The following ZNF235 variants were observed in gnomAD, a reference collection of about 807,000 sequenced individuals.
ZNF235 encodes the protein zinc finger protein 235, also known as zfp-93.
In ZNF235, 25 loss-of-function variants were observed where a neutral mutation model predicts 29.4. The observed-to-expected ratio is 0.85, with a 90% CI of 0.62 to 1.19. ZNF235 has a LOEUF of 1.19. ZNF235 is among the 50% of genes most tolerant of loss of function. The probability of loss-of-function intolerance (pLI) is 0.00; values close to 1 mark genes in which losing one functional copy is unlikely to be tolerated. For missense variants in ZNF235, 788 were observed against 885.0 expected (o/e 0.89, Z 1.39); for synonymous variants, 300 against 295.3 (o/e 1.02, Z -0.16).
At chr19:44,289,537 T>A (rs754718223) in intron 4 of ZNF235, 1 of 178,974 alleles carries the variant, frequency 5.6e-6, no homozygotes, top group Non-Finnish European at 1.2e-5. Context: ...ATTTTACACA[T>A]AGTTCCTTCG....
At chr19:44,296,936 T>C (rs1975662046) in intron 4 of ZNF235, among the ~76,000 whole-genome samples, 1 of 151,836 alleles carries the variant, frequency 6.6e-6, no homozygotes, top group Non-Finnish European at 1.5e-5. Flanking sequence ...AACTAGAAAA[T>C]ATCTTGGGAT....
chr19:44,299,040 A>G (rs973700533), intron 3 of ZNF235, 137 bp from the exon 4 acceptor site: 1 of 594,694 alleles, frequency 1.7e-6, no homozygotes, highest in Non-Finnish European at 3.0e-6. Context: ...GTCATGACAC[A>G]TTATAAGAAA....
At position 44,287,514 on chromosome 19, in the gene ZNF235, T is replaced by C; in HGVS notation, c.1921A>G (p.Asn641Asp). The C allele has an allele frequency of 2.5e-6, 4 of 1,613,902 alleles. No homozygotes were observed. The highest frequency in any genetic ancestry group is 2.2e-5 in the South Asian group (2 of 91,070). Residue 641 changes from asparagine (N) to aspartate (D), a missense_variant, in exon 5 of 5, where the codon AAT (asparagine) becomes GAT (aspartate). Transcript: ENST00000291182. ...TCGKAFSQRSNLQVHQIIHTG... is the reference protein window; with the variant it reads ...TCGKAFSQRSDLQVHQIIHTG... ...TGAATTATCTGATGGACTTGAAGATTTGACCTCTGGCTGAAGGCCTTACCA... is the reference window on the plus strand; with the variant it reads ...TGAATTATCTGATGGACTTGAAGATCTGACCTCTGGCTGAAGGCCTTACCA...
chr19:44,288,884 C>T lies in ZNF235; in HGVS notation c.551G>A (p.Ser184Asn). The T allele has an allele frequency of 1.9e-6, 3 of 1,613,986 alleles. No homozygotes were observed. Among genetic ancestry groups the T allele is most frequent in the Non-Finnish European group, 2.5e-6 (3 of 1,179,960 alleles). Residue 184 changes from serine to asparagine, a missense_variant, in exon 5 of 5, where the codon AGT becomes AAT. By Grantham distance (46) the Ser-to-Asn change is conservative (BLOSUM62 1). Transcript: ENST00000291182. Reference sequence around the variant, plus strand: ...CTGTGTCTCATTCAGATATATTTTACTCCAAGAATTCGGAACTTTCCCAGT... The same window carrying T: ...CTGTGTCTCATTCAGATATATTTTATTCCAAGAATTCGGAACTTTCCCAGT... ...FPTGKVPNSW[S>N]KIYLNETQNY... is the part of the protein sequence containing the mutation.
rs756558674 is a variant in ZNF235 at position 44,287,784 on chromosome 19, G to A, written c.1651C>T (p.Arg551Cys). ...TGAAGATTCAAGCTCCAATTGAAGC[G>A]CTTCCCACACACTTCACATTTGTAT... ...KPYKCEVCGK[R>C]FNWSLNLHNH... The change falls in exon 5 of 5, where the codon CGC becomes TGC. Residue 551 changes from arginine to cysteine, a missense_variant. Transcript: ENST00000291182. The A allele has an allele frequency of 9.3e-6, 15 of 1,612,992 alleles. No homozygotes were observed. In the Admixed American group the frequency reaches 1.0e-4, roughly 11 times the overall value.
At chr19:44,299,111 G>T (rs1434986623) in intron 3 of ZNF235, among the ~76,000 whole-genome samples, 1 of 152,096 alleles carries the variant, frequency 6.6e-6, no homozygotes, top group African/African-American at 2.4e-5. Context: ...AAAGGTTAAA[G>T]GACCTATTTC....
intron 2 of ZNF235, 79 bp from the exon 3 acceptor site, chr19:44,299,811 C>CT: frequency 6.2e-7 from 1 of 1,603,358 alleles, no homozygotes; most frequent in Non-Finnish European, 8.5e-7. Flanking sequence ...TGTAGAGTTA[C>CT]TATTCTTCCC....
rs1000048032 is a variant in ZNF235, at chr19:44,304,979, G to A, written c.-57C>T. 5.1e-6 allele frequency: 5 copies of A among 980,534 alleles called. No individual in the cohort carries two copies. Among genetic ancestry groups the A allele is most frequent in the African/African-American group, 1.7e-5 (1 of 57,172 alleles). The allele number at this position is 980,534 out of a possible 1,614,324, so 60.7% of individuals were successfully genotyped here. The stretch of plus-strand genomic sequence containing the variant: ...ACCCGGAGCTGACTCACCTCCCTGG[G>A]AGATATCTCAGATCCGACCTCGCCT... On this transcript the variant is annotated 5_prime_UTR_variant, in exon 1 of 5. Coordinates refer to ENST00000291182, the MANE Select transcript of ZNF235 (RefSeq NM_004234.4).
chr19:44,298,928 A>C, intron 3 of ZNF235, 25 bp from the exon 4 acceptor site: 1 of 1,576,224 alleles, frequency 6.3e-7, no homozygotes, highest in Non-Finnish European at 8.7e-7. Flanking sequence ...TATTTAAGTG[A>C]AAATGTTAAA....
rs1412124541 is a variant in ZNF235, at chr19:44,286,884, A to C, written c.*334T>G. The C allele has an allele frequency of 4.7e-6, 1 of 213,128 alleles. No homozygotes were observed. The highest frequency in any genetic ancestry group is 5.2e-5 in the Admixed American group (1 of 19,412). The allele number at this position is 213,128 out of a possible 1,614,324, so 13.2% of individuals were successfully genotyped here. A position where few individuals can be genotyped will look rare whatever the true frequency, so the allele number is the denominator to read the frequency against. On this transcript the variant is annotated 3_prime_UTR_variant, in exon 5 of 5. Coordinates refer to ENST00000291182, the MANE Select transcript of ZNF235 (RefSeq NM_004234.4). The stretch of plus-strand genomic sequence containing the variant: ...TAGTTGACATCCATTTTTTCTGTCA[A>C]TCATACTTTTGTTAAAGGAAGGCCT...
intron 4 of ZNF235, chr19:44,291,029 G>T (rs1975577965): frequency 6.6e-6 from 1 of 152,152 alleles, no homozygotes; most frequent in African/African-American, 2.4e-5. Context: ...GAAGATACAG[G>T]CTTGAAGCAA....
intron 4 of ZNF235, among the ~76,000 whole-genome samples, chr19:44,291,478 T>A (rs1475331933): frequency 1.3e-5 from 2 of 151,846 alleles, no homozygotes; most frequent in African/African-American, 4.8e-5. Flanking sequence ...AGAAAACAAA[T>A]AGCTAGTTCT....
chr19:44,301,241 G>C (rs1212703574), intron 2 of ZNF235, among the ~76,000 whole-genome samples: 1 of 152,068 alleles, frequency 6.6e-6, no homozygotes, highest in Non-Finnish European at 1.5e-5. Context: ...GTGTTTTTCT[G>C]TATGGAAATT....
rs1439059181 is a variant in ZNF235 at position 44,299,679 on chromosome 19, C to A, written c.69G>T (p.Gly23=). The A allele has an allele frequency of 1.2e-6, 2 of 1,614,142 alleles. No individual in the cohort carries two copies. The highest frequency in any genetic ancestry group is 1.7e-6 in the Non-Finnish European group (2 of 1,180,010). ...GCTTCCTCTGGGCAGAGTCCAGCAGCCCCAGCTCCTCCTCAGTGAAGGCCA... is the reference window on the plus strand; with the variant it reads ...GCTTCCTCTGGGCAGAGTCCAGCAGACCCAGCTCCTCCTCAGTGAAGGCCA... The part of the protein sequence containing the change: ...VAVAFTEEEL[G]LLDSAQRKLY... The change falls in exon 3 of 5, where the codon GGG becomes GGT. Residue 23 remains glycine (G), a synonymous_variant. Coordinates refer to ENST00000291182, the MANE Select transcript of ZNF235 (RefSeq NM_004234.4).
At position 44,289,208 on chromosome 19, in the gene ZNF235, G is replaced by C. The variant is rs771676164; in HGVS notation, c.239-12C>G. 5 of 1,601,058 alleles carry C rather than the reference G, an allele frequency of 3.1e-6. No individual in the cohort carries two copies. The highest frequency in any genetic ancestry group is 1.1e-5 in the South Asian group (1 of 89,482). On this transcript the variant is annotated splice_polypyrimidine_tract_variant and intron_variant, in intron 4 of 4. Transcript: ENST00000291182. ...TTGATTCCTGTCTCCTGAAAGGATA[G>C]AGAGAATAAGGAATAAAGGACCAAG...
At chr19:44,296,650 C>T (rs1975657992) in intron 4 of ZNF235, among the ~76,000 whole-genome samples, 2 of 151,986 alleles carry the variant, frequency 1.3e-5, no homozygotes, top group South Asian at 2.1e-4. Flanking sequence ...AATATATACA[C>T]GTAGACTATG....
chr19:44,291,692 G>C (rs779200135), intron 4 of ZNF235, among the ~76,000 whole-genome samples: 6 of 152,008 alleles, frequency 3.9e-5, no homozygotes, highest in Non-Finnish European at 7.4e-5. Context: ...CACAAAATAA[G>C]TTTACTTGAG....
intron 1 of ZNF235, among the ~76,000 whole-genome samples, chr19:44,304,294 T>C (rs1975798435): frequency 6.6e-6 from 1 of 152,202 alleles, no homozygotes; most frequent in South Asian, 2.1e-4. Flanking sequence ...GAACATTTAT[T>C]AGGGCCTCAG....
In ZNF235 at chr19:44,288,523, T is replaced by C. The variant is rs1463460394; in HGVS notation, c.912A>G (p.Ser304=). The part of the protein sequence containing the change: ...STHEKDTSYS[S]GIPVQQSVRT... ...GAACACTTTGTTGAACAGGAATACC[T>C]GAGCTATAACTGGTGTCCTTCTCAT... Residue 304 remains serine (S), a synonymous_variant, in exon 5 of 5, where the codon TCA becomes TCG. Coordinates refer to ENST00000291182, the MANE Select transcript of ZNF235 (RefSeq NM_004234.4). 2 of 1,613,166 alleles carry C rather than the reference T, an allele frequency of 1.2e-6. No individual in the cohort carries two copies. Among genetic ancestry groups the C allele is most frequent in the South Asian group, 1.1e-5 (1 of 91,060 alleles).
Sources: allele counts gnomAD v4.1 joint callset (sites outside exome capture counted in the v4.1 genomes callset), GRCh38; gene constraint gnomAD v4.1.1; transcripts MANE v1.5; gene names NCBI Gene and HGNC (gene_info 2026-07-23, HGNC 2026-07-21).